The following PPARGC1A variants were observed in gnomAD, a reference collection of about 807,000 sequenced individuals.
The protein encoded by PPARGC1A is peroxisome proliferator-activated receptor gamma coactivator 1-alpha.
In PPARGC1A, 25 loss-of-function variants were observed where a neutral mutation model predicts 88.7. The ratio of observed to expected loss-of-function variants is 0.28; its 90% CI spans 0.21 to 0.39. The LOEUF (loss-of-function observed/expected upper bound fraction) is 0.39, where lower values mean the gene tolerates loss of function less well. Ranked by LOEUF, PPARGC1A falls within the 10% of genes least tolerant of loss-of-function variation. The pLI is 1.00. For synonymous variants in PPARGC1A, 363 were observed against 355.6 expected (o/e 1.02, Z -0.24); for missense variants, 880 against 968.7 (o/e 0.91, Z 1.22).
chr4:23,815,187 C>T (rs1390983615), intron 7 of PPARGC1A, among the ~76,000 whole-genome samples: 1 of 151,234 alleles, frequency 6.6e-6, no homozygotes. Flanking sequence ...GTGACATAAG[C>T]AACTTCAAAG....
chr4:24,395,491 A>C, the PPARGC1A span, among the ~76,000 whole-genome samples: 4 of 152,226 alleles, frequency 2.6e-5, no homozygotes, highest in Non-Finnish European at 5.9e-5. Context: ...GTACAACCCC[A>C]GATTCAAGCT....
the PPARGC1A span, among the ~76,000 whole-genome samples, chr4:24,347,720 T>C: frequency 6.6e-6 from 1 of 152,214 alleles, no homozygotes; most frequent in Non-Finnish European, 1.5e-5. Context: ...TGCAGTTCTG[T>C]ATCTTTTAAG....
At chr4:23,894,996 C>T (rs1261624033), upstream of PPARGC1A, among the ~76,000 whole-genome samples, 3 of 151,666 alleles carry the variant, frequency 2.0e-5, no homozygotes, top group Non-Finnish European at 4.4e-5. Context: ...CTGAACAAGG[C>T]ATATTACATA....
the PPARGC1A span, among the ~76,000 whole-genome samples, chr4:24,386,401 G>T: frequency 6.6e-6 from 1 of 152,118 alleles, no homozygotes. Flanking sequence ...GGGCAATAAG[G>T]CAAGAGAAAG....
At chr4:24,093,301 C>G in the PPARGC1A span, among the ~76,000 whole-genome samples, 1 of 152,208 alleles carries the variant, frequency 6.6e-6, no homozygotes, top group East Asian at 1.9e-4. Flanking sequence ...TAATACAGCA[C>G]CTCGGTCAAT....
At chr4:24,280,835 G>C in the PPARGC1A span, among the ~76,000 whole-genome samples, 1 of 152,122 alleles carries the variant, frequency 6.6e-6, no homozygotes, top group South Asian at 2.1e-4. Flanking sequence ...TGGCATTCTG[G>C]GACACATTTC....
the PPARGC1A span, among the ~76,000 whole-genome samples, chr4:24,312,021 T>C: frequency 3.3e-5 from 5 of 152,194 alleles, no homozygotes; most frequent in Non-Finnish European, 7.3e-5. Context: ...GGAAATCCCT[T>C]TGCATCCTTC....
At chr4:24,168,643 AC>A in the PPARGC1A span, among the ~76,000 whole-genome samples, 1 of 88,558 alleles carries the variant, frequency 1.1e-5, no homozygotes, top group East Asian at 2.3e-4. Context: ...ACAGACATAG[AC>A]ACACACACAC....
chr4:24,386,769 A>T, the PPARGC1A span, among the ~76,000 whole-genome samples: 5 of 152,240 alleles, frequency 3.3e-5, no homozygotes, highest in Admixed American at 3.3e-4. Flanking sequence ...AAAACATTCC[A>T]TGCTCATGGA....
chr4:24,096,693 G>A, the PPARGC1A span, among the ~76,000 whole-genome samples: 1 of 152,130 alleles, frequency 6.6e-6, no homozygotes, highest in Non-Finnish European at 1.5e-5. Context: ...CAGTTTAGCT[G>A]CTGGTACCAT....
At chr4:23,892,769 G>A (rs1214824605), upstream of PPARGC1A, among the ~76,000 whole-genome samples, 8 of 152,046 alleles carry the variant, frequency 5.3e-5, no homozygotes, top group African/African-American at 9.7e-5. Flanking sequence ...ACCTTACTGT[G>A]TGCACAGCCA....
Position 23,813,177 on chromosome 4 carries a change from A to G in PPARGC1A, c.1794-52T>C. The G allele has an allele frequency of 2.0e-6, 3 of 1,478,156 alleles. No homozygotes were observed. In the East Asian group the frequency reaches 6.8e-5, roughly 33 times the overall value. 91.6% of individuals were successfully genotyped at this position (1,478,156 alleles called of 1,614,324 possible). On this transcript the variant is annotated intron_variant, in intron 8 of 12. Coordinates refer to ENST00000264867, the MANE Select transcript of PPARGC1A (RefSeq NM_013261.5). ...GGCATTTGCAACTGCCACTTAACCCAAGTTTATCGGCACTGTGGAGCATCC... is the reference window on the plus strand; with the variant it reads ...GGCATTTGCAACTGCCACTTAACCCGAGTTTATCGGCACTGTGGAGCATCC...
chr4:24,194,251 T>C, the PPARGC1A span, among the ~76,000 whole-genome samples: 1 of 152,174 alleles, frequency 6.6e-6, no homozygotes, highest in African/African-American at 2.4e-5. Flanking sequence ...GTGCTAGGTA[T>C]AGGAACTTCC....
chr4:24,375,787 G>C, the PPARGC1A span, among the ~76,000 whole-genome samples: 200 of 152,214 alleles, frequency 1.3e-3, 2 homozygotes, highest in Non-Finnish European at 1.5e-3. Flanking sequence ...TTCTCTGAAC[G>C]GAGGTATTTA....
the PPARGC1A span, among the ~76,000 whole-genome samples, chr4:24,238,739 T>TTGTG: frequency 7.7e-6 from 1 of 129,776 alleles, no homozygotes. Flanking sequence ...CAATCCAAGG[T>TTGTG]TGTATATGTG....
chr4:24,357,342 G>C, the PPARGC1A span, among the ~76,000 whole-genome samples: 1 of 152,270 alleles, frequency 6.6e-6, no homozygotes, highest in African/African-American at 2.4e-5. Flanking sequence ...CCAAACCCAG[G>C]TTGGCTAATG....
the PPARGC1A span, among the ~76,000 whole-genome samples, chr4:24,419,352 A>AGTGTGTGT: frequency 7.2e-6 from 1 of 138,934 alleles, no homozygotes; most frequent in Non-Finnish European, 1.5e-5. Context: ...CAAATCTTCA[A>AGTGTGTGT]GTGTGTGTGT....
At chr4:23,937,312 C>T in the PPARGC1A span, among the ~76,000 whole-genome samples, 2 of 152,014 alleles carry the variant, frequency 1.3e-5, no homozygotes, top group Non-Finnish European at 2.9e-5. Flanking sequence ...TTCAAAATAT[C>T]CCCATGCAAT....
At chr4:24,472,079 G>A in the PPARGC1A span, among the ~76,000 whole-genome samples, 1 of 152,164 alleles carries the variant, frequency 6.6e-6, no homozygotes, top group Non-Finnish European at 1.5e-5. This position sits in a 1 kb window ranked among gnomAD's most constrained non-coding sequence, Gnocchi z 4.5. Context: ...TCGGGGTAAC[G>A]CGCCGGCTCC....
Sources: allele counts gnomAD v4.1 joint callset (sites outside exome capture counted in the v4.1 genomes callset), GRCh38; gene constraint gnomAD v4.1.1; non-coding constraint Gnocchi (gnomAD v3.1); transcripts MANE v1.5; gene names NCBI Gene and HGNC (gene_info 2026-07-23, HGNC 2026-07-21).